CEP170B: variants seen among roughly 807,000 people sequenced by gnomAD.
CEP170B encodes the protein centrosomal protein 170B, also known as centrosomal protein of 170 kDa protein B.
CEP170B carries 55 observed loss-of-function variants against 120.6 expected under a neutral mutation model. That is an observed-to-expected ratio of 0.46 (90% confidence interval 0.37 to 0.57). CEP170B has a LOEUF of 0.57. Among genes scored for constraint, CEP170B ranks in the 20% least tolerant of loss-of-function variants. CEP170B has a pLI of 0.00. For missense variants in CEP170B, 2,212 were observed against 2,253.3 expected (o/e 0.98, Z 0.37); for synonymous variants, 1,033 against 954.5 (o/e 1.08, Z -1.52).
chr14:104,866,295 A>G (rs572034329), intron 1 of CEP170B, among the ~76,000 whole-genome samples: 1 of 151,900 alleles, frequency 6.6e-6, no homozygotes, highest in East Asian at 1.9e-4. Flanking sequence ...GGGACCGTGG[A>G]CTCCTCAGGG....
In CEP170B at chr14:104,878,453, G is replaced by A. The variant is rs377003510; in HGVS notation, c.285G>A (p.Met95Ile). 11 of 1,612,494 alleles carry A rather than the reference G, an allele frequency of 6.8e-6. No individual in the cohort carries two copies. The Admixed American group carries it at 8.3e-5, about 12-fold the overall frequency. The change falls in exon 5 of 19, where the codon ATG (methionine) becomes ATA (isoleucine). Residue 95 changes from methionine to isoleucine, a missense_variant. Coordinates refer to ENST00000414716, the MANE Select transcript of CEP170B (RefSeq NM_001112726.3). Reference sequence around the variant, plus strand: ...TTAACACGTGTCCACATTCCAACATGTATGTGCTGGAGCGTGTGCAGCACC... The same window carrying A: ...TTAACACGTGTCCACATTCCAACATATATGTGCTGGAGCGTGTGCAGCACC... ...DVIRFGYDSN[M>I]YVLERVQHRV...
At chr14:104,888,475 G>A (rs1390205039) in intron 12 of CEP170B, among the ~76,000 whole-genome samples, 1 of 152,186 alleles carries the variant, frequency 6.6e-6, no homozygotes, top group East Asian at 1.9e-4. Context: ...GAGCCCGCAG[G>A]CCCCATGACC....
Position 104,891,702 on chromosome 14 carries a change from G to T in CEP170B, c.3879-1274G>T, listed in dbSNP as rs989418965. 6.6e-6 allele frequency among the ~76,000 whole-genome samples: 1 copy of T among 152,092 alleles called. No homozygotes were observed. The highest frequency in any genetic ancestry group is 1.5e-5 in the Non-Finnish European group (1 of 68,004). On this transcript the variant is annotated intron_variant, in intron 13 of 18. Transcript: ENST00000414716. This position sits in a 1 kb window ranked among gnomAD's most constrained non-coding sequence, Gnocchi z 4.3. ...CAGGCCTGAGAGCAGAAGGGGATGT[G>T]GGGGGCCCATGTGGGTTTCTGGAGT...
At chr14:104,875,557 G>A (rs894858602) in intron 2 of CEP170B, among the ~76,000 whole-genome samples, 5 of 152,212 alleles carry the variant, frequency 3.3e-5, no homozygotes, top group East Asian at 3.9e-4. Context: ...GGAGTTGGGG[G>A]CCGGGTGGGC....
intron 5 of CEP170B, 60 bp from the exon 6 acceptor site, chr14:104,880,227 C>T (rs1380880431): frequency 1.3e-6 from 2 of 1,547,794 alleles, no homozygotes; most frequent in Non-Finnish European, 1.7e-6. Flanking sequence ...GCTGGGCCCA[C>T]CCTGGTGGGT....
upstream of CEP170B, chr14:104,865,166 T>G (rs1895132095): frequency 7.0e-6 from 1 of 142,190 alleles, no homozygotes; most frequent in Non-Finnish European, 1.6e-5. This position sits in a 1 kb window ranked among gnomAD's most constrained non-coding sequence, Gnocchi z 6.7. Flanking sequence ...CTAACCTGGT[T>G]TCCGGCGGGG....
intron 1 of CEP170B, among the ~76,000 whole-genome samples, chr14:104,866,708 G>C (rs1447491577): frequency 3.3e-5 from 5 of 152,192 alleles, no homozygotes. Flanking sequence ...CTGGGTGTTG[G>C]TTTTCCCTGC....
chr14:104,886,191 A>ACCACGG, intron 11 of CEP170B, 61 bp downstream of exon 11: 1 of 1,476,256 alleles, frequency 6.8e-7, no homozygotes. Context: ...CAGGCCACTG[A>ACCACGG]CCACGGACAC....
chr14:104,879,027 G>A (rs1375610134), intron 5 of CEP170B, among the ~76,000 whole-genome samples: 1 of 152,134 alleles, frequency 6.6e-6, no homozygotes, highest in Non-Finnish European at 1.5e-5. Flanking sequence ...AGGGCCAGGA[G>A]GGTATAGAGC....
At chr14:104,874,141 C>T (rs1007000357) in intron 2 of CEP170B, among the ~76,000 whole-genome samples, 5 of 152,096 alleles carry the variant, frequency 3.3e-5, no homozygotes, top group African/African-American at 4.8e-5. Flanking sequence ...GGTCTCAGGA[C>T]GGGCTTCTTG....
chr14:104,877,516 T>TC (rs1895919180), intron 3 of CEP170B, among the ~76,000 whole-genome samples: 1 of 152,190 alleles, frequency 6.6e-6, no homozygotes, highest in Non-Finnish European at 1.5e-5. Flanking sequence ...CCTCGACTGT[T>TC]CCCAAGGGCT....
chr14:104,864,592 AC>A (rs2140597369), upstream of CEP170B, among the ~76,000 whole-genome samples: 1 of 142,328 alleles, frequency 7.0e-6, no homozygotes, highest in South Asian at 2.5e-4. The surrounding 1 kb of genome is among the most constrained non-coding windows in gnomAD (Gnocchi z 5.9). Context: ...TCCCAACCCC[AC>A]CCCCACCCCT....
intron 2 of CEP170B, among the ~76,000 whole-genome samples, chr14:104,871,200 A>G (rs74524101): frequency 0.013 from 2,017 of 152,198 alleles, 31 homozygotes; most frequent in African/African-American, 0.03. Context: ...CTCTGCTCAG[A>G]TGATCCACAT....
Position 104,885,412 on chromosome 14 carries a change from C to A in CEP170B, c.1814C>A (p.Ser605Ter). ...LESPELSRAS[S>*]ATFRPVIRGD... ...TCCCCTGAACTCTCCAGGGCATCTTCGGCCACCTTTCGCCCAGTCATCAGA... is the reference window on the plus strand; with the variant it reads ...TCCCCTGAACTCTCCAGGGCATCTTAGGCCACCTTTCGCCCAGTCATCAGA... The change falls in exon 10 of 19, where the codon TCG becomes TAG. Residue 605 changes from serine (S) to a stop codon, truncating the protein, a stop_gained. Coordinates refer to ENST00000414716, the MANE Select transcript of CEP170B (RefSeq NM_001112726.3). LOFTEE classifies it high-confidence loss of function. 6.4e-7 allele frequency: 1 copy of A among 1,568,778 alleles called. No individual in the cohort carries two copies.
chr14:104,886,192 C>T, intron 11 of CEP170B, 62 bp downstream of exon 11: 1 of 1,476,906 alleles, frequency 6.8e-7, no homozygotes, highest in Non-Finnish European at 9.0e-7. Context: ...AGGCCACTGA[C>T]CACGGACACA....
intron 12 of CEP170B, among the ~76,000 whole-genome samples, chr14:104,888,438 C>T (rs750944308): frequency 7.9e-5 from 12 of 152,336 alleles, no homozygotes; most frequent in African/African-American, 2.6e-4. Flanking sequence ...CTGTGCCCTC[C>T]GCTGGTAGCT....
chr14:104,889,933 GATGGATGGATGGATGGATGA>G (rs1302349002), intron 13 of CEP170B, among the ~76,000 whole-genome samples, 175 bp downstream of exon 13: 8 of 77,826 alleles, frequency 1.0e-4, no homozygotes, highest in African/African-American at 1.9e-4. Flanking sequence ...TGGATGGATG[GATGGATGGATGGATGGATGA>G]ATGGATGGAT....
At chr14:104,873,258 CTG>C (rs1895671052) in intron 2 of CEP170B, among the ~76,000 whole-genome samples, 1 of 113,958 alleles carries the variant, frequency 8.8e-6, no homozygotes, top group Non-Finnish European at 1.7e-5. Flanking sequence ...CGGGGGGACT[CTG>C]TGCTGAGTCA....
Position 104,887,189 on chromosome 14 carries a change from G to C in CEP170B, c.2950G>C (p.Glu984Gln). ...CCCCCAGCCTCTGCGGGCACAGAAG[G>C]AGATGTCGCCATCCCCGCCAGCTGC... ...TTPQPLRAQK[E>Q]MSPSPPAAQD... is the part of the protein sequence containing the mutation. Residue 984 changes from glutamate to glutamine, a missense_variant, in exon 12 of 19, where the codon GAG (glutamate) becomes CAG (glutamine). Physicochemically the swap from Glu to Gln is conservative, Grantham distance 29. Coordinates refer to ENST00000414716, the MANE Select transcript of CEP170B (RefSeq NM_001112726.3). The C allele has an allele frequency of 6.2e-7, 1 of 1,606,798 alleles. No homozygotes were observed. Among genetic ancestry groups the C allele is most frequent in the Non-Finnish European group, 8.5e-7 (1 of 1,179,724 alleles).
Sources: gnomAD v4.1 joint callset for allele counts (sites outside exome capture counted in the v4.1 genomes callset) on GRCh38, gnomAD v4.1.1 for gene constraint, Gnocchi (gnomAD v3.1) non-coding constraint, MANE v1.5 for transcripts, NCBI Gene and HGNC (gene_info 2026-07-23, HGNC 2026-07-21) for gene names.